Variants in GAD1 observed in about 807,000 individuals in gnomAD.
GAD1 encodes the protein glutamate decarboxylase 1.
A neutral mutation model predicts 75.2 loss-of-function variants in GAD1; 35 were observed. That is an observed-to-expected ratio of 0.47 (90% confidence interval 0.36 to 0.62). The LOEUF (loss-of-function observed/expected upper bound fraction) is 0.62, where lower values mean the gene tolerates loss of function less well. Ranked by LOEUF, GAD1 falls within the 20% of genes least tolerant of loss-of-function variation. The probability of loss-of-function intolerance (pLI) is 0.00; values close to 1 mark genes in which losing one functional copy is unlikely to be tolerated. For synonymous variants in GAD1, 257 were observed against 271.9 expected, an observed-to-expected ratio of 0.95 and a Z score of 0.54; for missense variants, 490 against 758.5, an observed-to-expected ratio of 0.65 and a Z score of 4.16.
intron 6 of GAD1, among the ~76,000 whole-genome samples, chr2:170,838,276 T>TCAAAGATACAGTTG (rs1487429491): frequency 6.6e-6 from 1 of 152,202 alleles, no homozygotes; most frequent in Non-Finnish European, 1.5e-5. Context: ...GGAATACAGG[T>TCAAAGATACAGTTG]CAAAGATACA....
Position 170,836,854 on chromosome 2 carries a change from A to C in GAD1, c.609A>C (p.Glu203Asp). 6.2e-7 allele frequency: 1 copy of C among 1,614,008 alleles called. No individual in the cohort carries two copies. The highest frequency in any genetic ancestry group is 8.5e-7 in the Non-Finnish European group (1 of 1,179,908). Residue 203 changes from glutamate (E) to aspartate (D), a missense_variant, in exon 6 of 17, where the codon GAA becomes GAC. Physicochemically the swap from Glu to Asp is conservative, Grantham distance 45. This residue lies in a region of GAD1 where 324 missense variants were observed against 523.9 expected (regional missense o/e 0.62). Coordinates refer to ENST00000358196, the MANE Select transcript of GAD1 (RefSeq NM_000817.3). Reference protein sequence around the residue: ...TGLDIIGLAGEWLTSTANTNM... With the variant: ...TGLDIIGLAGDWLTSTANTNM... ...TGGATATTATTGGCCTAGCTGGAGA[A>C]TGGCTGACATCAACGGCCAATACCA...
At chr2:170,815,337 A>T (rs1357184365), upstream of GAD1, among the ~76,000 whole-genome samples, 5 of 152,126 alleles carry the variant, frequency 3.3e-5, no homozygotes, top group Non-Finnish European at 7.4e-5. Flanking sequence ...CGGGGATTTC[A>T]TCGTCAGGTG....
chr2:170,824,173 T>C (rs1477730087), intron 3 of GAD1, among the ~76,000 whole-genome samples: 1 of 152,256 alleles, frequency 6.6e-6, no homozygotes, highest in Non-Finnish European at 1.5e-5. Flanking sequence ...TGGTAGTCTG[T>C]TGAGGAGAAA....
chr2:170,813,880 A>G (rs530467189), upstream of GAD1, among the ~76,000 whole-genome samples: 1 of 152,214 alleles, frequency 6.6e-6, no homozygotes, highest in East Asian at 1.9e-4. Flanking sequence ...GCAAATCCCT[A>G]ATGCCGGAGA....
intron 11 of GAD1, among the ~76,000 whole-genome samples, chr2:170,848,371 G>A (rs573531042): frequency 1.3e-5 from 2 of 151,988 alleles, no homozygotes; most frequent in Non-Finnish European, 2.9e-5. Context: ...GGTGGCATGT[G>A]CCTATAATCC....
At chr2:170,858,732 C>A in intron 15 of GAD1, 72 bp from the exon 16 acceptor site, 1 of 1,301,106 alleles carries the variant, frequency 7.7e-7, no homozygotes, top group Non-Finnish European at 1.1e-6. Context: ...ACCAAGGATG[C>A]ATATTGGTTT....
Position 170,818,501 on chromosome 2 carries a change from C to T in GAD1, c.-63-28C>T. The T allele has an allele frequency of 1.6e-6, 2 of 1,245,572 alleles. No individual in the cohort carries two copies. Among genetic ancestry groups the T allele is most frequent in the Non-Finnish European group, 2.4e-6 (2 of 844,778 alleles). The allele number at this position is 1,245,572 out of a possible 1,614,324, so 77.2% of individuals were successfully genotyped here. A position where few individuals can be genotyped will look rare whatever the true frequency, so the allele number is the denominator to read the frequency against. On this transcript the variant is annotated intron_variant, in intron 1 of 16. Coordinates refer to ENST00000358196, the MANE Select transcript of GAD1 (RefSeq NM_000817.3). The surrounding 1 kb of genome is among the most constrained non-coding windows in gnomAD (Gnocchi z 5.9). ...GGTGTGCAGGACCCCGGAAGTCCTC[C>T]CCGCACAGCTCTCGCTTCTCTTTGC...
At chr2:170,850,081 T>G (rs1290336567) in intron 12 of GAD1, among the ~76,000 whole-genome samples, 1 of 152,168 alleles carries the variant, frequency 6.6e-6, no homozygotes, top group East Asian at 1.9e-4. Flanking sequence ...CAGGTAGGAG[T>G]TGATGTGAAT....
At chr2:170,828,837 C>CAT in intron 3 of GAD1, 1 of 210,490 alleles carries the variant, frequency 4.8e-6, no homozygotes, top group South Asian at 6.7e-5. Flanking sequence ...CACCTCTCCT[C>CAT]CCTCTGCTGT....
intron 5 of GAD1, among the ~76,000 whole-genome samples, chr2:170,833,177 G>A (rs776501094): frequency 6.6e-6 from 1 of 152,188 alleles, no homozygotes; most frequent in African/African-American, 2.4e-5. Context: ...GAGACTAGGA[G>A]GCTGGTGGTG....
chr2:170,831,758 T>C (rs1228646160), intron 5 of GAD1, among the ~76,000 whole-genome samples: 15 of 144,126 alleles, frequency 1.0e-4, no homozygotes, highest in African/African-American at 3.0e-4. Context: ...AAATAATATA[T>C]AAATATTTAT....
At chr2:170,839,940 G>A (rs1007513715) in intron 6 of GAD1, among the ~76,000 whole-genome samples, 4 of 152,192 alleles carry the variant, frequency 2.6e-5, no homozygotes, top group Non-Finnish European at 5.9e-5. Context: ...AAATATCCAG[G>A]AGAAATTCTC....
chr2:170,835,492 G>T (rs1282543143), intron 5 of GAD1, among the ~76,000 whole-genome samples: 1 of 152,172 alleles, frequency 6.6e-6, no homozygotes, highest in Admixed American at 6.5e-5. Context: ...TAGAAATTCT[G>T]ATAGATATAA....
rs1391170507 is a variant in GAD1 at position 170,860,447 on chromosome 2, G to A, written c.*565G>A. ...TAGTAGCAGAGTCATTGTTACAGGT[G>A]TACTATGGCTGTATTTTTAGAGATT... On this transcript the variant is annotated 3_prime_UTR_variant, in exon 17 of 17. Coordinates refer to ENST00000358196, the MANE Select transcript of GAD1 (RefSeq NM_000817.3). The A allele has an allele frequency of 1.3e-5, 2 of 155,162 alleles. No individual in the cohort carries two copies. The highest frequency in any genetic ancestry group is 4.8e-5 in the African/African-American group (2 of 41,458). 9.6% of individuals were successfully genotyped at this position (155,162 alleles called of 1,614,324 possible).
intron 6 of GAD1, among the ~76,000 whole-genome samples, chr2:170,839,334 G>T (rs543547226): frequency 6.6e-6 from 1 of 152,356 alleles, no homozygotes; most frequent in African/African-American, 2.4e-5. Context: ...AAGATGGTAG[G>T]TTGGGTGTGG....
intron 3 of GAD1, 180 bp from the exon 4 acceptor site, chr2:170,829,295 C>T: frequency 1.5e-6 from 1 of 669,284 alleles, no homozygotes; most frequent in Non-Finnish European, 2.6e-6. Context: ...ACATTTGGCA[C>T]TGCCCCCCTC....
At chr2:170,824,006 G>A (rs1288174411) in intron 3 of GAD1, among the ~76,000 whole-genome samples, 1 of 152,194 alleles carries the variant, frequency 6.6e-6, no homozygotes, top group Non-Finnish European at 1.5e-5. Flanking sequence ...AGGCTAAAGA[G>A]GCGGGAAAGA....
chr2:170,847,820 C>T (rs761053889), intron 11 of GAD1, 28 bp downstream of exon 11: 1 of 1,478,910 alleles, frequency 6.8e-7, no homozygotes, highest in South Asian at 1.1e-5. Context: ...CAGGCCAGTC[C>T]ATGTGGGGGG....
intron 6 of GAD1, among the ~76,000 whole-genome samples, chr2:170,841,978 G>A (rs1702528066): frequency 6.6e-6 from 1 of 152,174 alleles, no homozygotes; most frequent in African/African-American, 2.4e-5. Flanking sequence ...CACTCAGTAA[G>A]TATTTGTTGA....
Sources: gnomAD v4.1 joint callset for allele counts (sites outside exome capture counted in the v4.1 genomes callset) on GRCh38, gnomAD v4.1.1 for gene constraint, gnomAD v4.1.1 regional missense constraint, Gnocchi (gnomAD v3.1) non-coding constraint, MANE v1.5 for transcripts, NCBI Gene and HGNC (gene_info 2026-07-23, HGNC 2026-07-21) for gene names.